Variants in SCUBE1 observed in about 807,000 individuals in gnomAD.
The protein encoded by SCUBE1 is signal peptide, CUB domain and EGF like domain containing 1, also known as signal peptide, CUB and EGF-like domain-containing protein 1.
SCUBE1 carries 59 observed loss-of-function variants against 124.4 expected under a neutral mutation model. The ratio of observed to expected loss-of-function variants is 0.47; its 90% CI spans 0.38 to 0.59. The LOEUF (loss-of-function observed/expected upper bound fraction) is 0.59. Ranked by LOEUF, SCUBE1 falls within the 20% of genes least tolerant of loss-of-function variation. The probability of loss-of-function intolerance (pLI) is 0.00; values close to 1 mark genes in which losing one functional copy is unlikely to be tolerated. For synonymous variants in SCUBE1, 545 were observed against 550.9 expected, an observed-to-expected ratio of 0.99 and a Z score of 0.15; for missense variants, 1,150 against 1,371.2, an observed-to-expected ratio of 0.84 and a Z score of 2.55.
intron 6 of SCUBE1, among the ~76,000 whole-genome samples, chr22:43,244,820 G>A (rs1189525769): frequency 6.6e-6 from 1 of 152,266 alleles, no homozygotes; most frequent in East Asian, 1.9e-4. Flanking sequence ...CAAAGGCCCT[G>A]CCATCCCTTC....
chr22:43,305,137 G>A (rs894597742), intron 3 of SCUBE1, among the ~76,000 whole-genome samples: 8 of 152,006 alleles, frequency 5.3e-5, no homozygotes, highest in East Asian at 1.9e-4. Flanking sequence ...GAGTCCTGCC[G>A]GAATACGGAG....
At chr22:43,260,270 A>G (rs924320325) in intron 5 of SCUBE1, among the ~76,000 whole-genome samples, 3 of 152,200 alleles carry the variant, frequency 2.0e-5, no homozygotes, top group African/African-American at 7.2e-5. Flanking sequence ...TTCCCTCCAC[A>G]TAGTCATTTG....
rs963933717 is a variant in SCUBE1 at position 43,220,372 on chromosome 22, G to T, written c.1687+78C>A. 40 of 1,517,446 alleles carry T rather than the reference G, an allele frequency of 2.6e-5. 1 individual carries two copies. The African/African-American group carries it at 5.0e-4, about 19-fold the overall frequency. The allele number at this position is 1,517,446 out of a possible 1,614,324, so 94.0% of individuals were successfully genotyped here. ...CTGGTGGGAGCCTAGCTTCATGCCTGGCAGGCCCCCGGCAGCGCCACCAGC... is the reference window on the plus strand; with the variant it reads ...CTGGTGGGAGCCTAGCTTCATGCCTTGCAGGCCCCCGGCAGCGCCACCAGC... On this transcript the variant is annotated intron_variant, in intron 14 of 21. Transcript: ENST00000360835.
rs1923621648 is a variant in SCUBE1 at position 43,255,462 on chromosome 22, C to G, written c.727+2757G>C. 6.5e-7 allele frequency: 1 copy of G among 1,543,764 alleles called. No individual in the cohort carries two copies. The highest frequency in any genetic ancestry group is 1.4e-5 in the African/African-American group (1 of 72,850). On this transcript the variant is annotated intron_variant, in intron 6 of 21. Coordinates refer to ENST00000360835, the MANE Select transcript of SCUBE1 (RefSeq NM_173050.5). The surrounding 1 kb of genome is among the most constrained non-coding windows in gnomAD (Gnocchi z 4.7). ...CACACACACACAAGTGCAAGTACGA[C>G]AAAGGAAGTGGAAGAAAAGTGTTAC...
chr22:43,283,651 C>T (rs910456059), intron 4 of SCUBE1: 2 of 152,138 alleles, frequency 1.3e-5, no homozygotes, highest in Non-Finnish European at 2.9e-5. Flanking sequence ...TCATAAATGG[C>T]GTGGAGCCAC....
chr22:43,226,667 G>C (rs1350016778), intron 10 of SCUBE1, among the ~76,000 whole-genome samples: 1 of 152,046 alleles, frequency 6.6e-6, no homozygotes, highest in Non-Finnish European at 1.5e-5. Context: ...CCAGAGGGAT[G>C]TTCTAACTTA....
At chr22:43,295,136 G>A (rs945815664) in intron 3 of SCUBE1, among the ~76,000 whole-genome samples, 49 of 152,118 alleles carry the variant, frequency 3.2e-4, no homozygotes, top group African/African-American at 1.2e-3. Context: ...CTTCAAGTCC[G>A]ATGGCGGTAG....
At chr22:43,307,838 G>T (rs542504310) in intron 3 of SCUBE1, among the ~76,000 whole-genome samples, 31 of 152,312 alleles carry the variant, frequency 2.0e-4, no homozygotes, top group African/African-American at 6.0e-4. Context: ...GGAAACTGAG[G>T]CATAAAGAGG....
chr22:43,206,973 C>T (rs1483837260), intron 21 of SCUBE1, among the ~76,000 whole-genome samples: 2 of 152,302 alleles, frequency 1.3e-5, no homozygotes, highest in East Asian at 3.9e-4. Context: ...ACAGCGGGAG[C>T]GTTCCAGCCC....
At chr22:43,292,572 C>CACACAG (rs978497238) in intron 3 of SCUBE1, among the ~76,000 whole-genome samples, 2 of 151,608 alleles carry the variant, frequency 1.3e-5, no homozygotes, top group Admixed American at 1.3e-4. Context: ...CACACACACA[C>CACACAG]ACACACACAC....
At chr22:43,327,467 G>A (rs1160596333) in intron 2 of SCUBE1, among the ~76,000 whole-genome samples, 2 of 152,320 alleles carry the variant, frequency 1.3e-5, no homozygotes, top group Admixed American at 1.3e-4. Context: ...AAGGGGCATG[G>A]AGTTTCTTTT....
rs1601806653 is a variant in SCUBE1, at chr22:43,221,094, C to T, written c.1549+79G>A. On this transcript the variant is annotated intron_variant, in intron 13 of 21. Coordinates refer to ENST00000360835, the MANE Select transcript of SCUBE1 (RefSeq NM_173050.5). ...CCCTTGGAAACCAGACTCGCTGGAC[C>T]CTGGGGCCCCAGCTCCCAGGCATGA... 3 of 1,131,710 alleles carry T rather than the reference C, an allele frequency of 2.7e-6. No individual in the cohort carries two copies. In the South Asian group the frequency reaches 3.8e-5, roughly 14 times the overall value. The allele number at this position is 1,131,710 out of a possible 1,614,324, so 70.1% of individuals were successfully genotyped here. A position where few individuals can be genotyped will look rare whatever the true frequency, so the allele number is the denominator to read the frequency against.
At chr22:43,316,223 G>A (rs556315701) in intron 3 of SCUBE1, among the ~76,000 whole-genome samples, 2 of 152,286 alleles carry the variant, frequency 1.3e-5, no homozygotes, top group Non-Finnish European at 2.9e-5. Context: ...TTCAAGTGAG[G>A]AAACTAAGGC....
chr22:43,285,159 G>A (rs1231875337), intron 4 of SCUBE1, among the ~76,000 whole-genome samples: 2 of 152,062 alleles, frequency 1.3e-5, no homozygotes, highest in Non-Finnish European at 2.9e-5. Flanking sequence ...CCAAATGGGG[G>A]CTCTCATCAA....
At chr22:43,266,686 A>G (rs1924080059) in intron 4 of SCUBE1, among the ~76,000 whole-genome samples, 1 of 152,168 alleles carries the variant, frequency 6.6e-6, no homozygotes. Context: ...CACCTGTGGG[A>G]CCCAGATGGC....
chr22:43,307,459 T>C (rs1438498496), intron 3 of SCUBE1, among the ~76,000 whole-genome samples: 1 of 152,170 alleles, frequency 6.6e-6, no homozygotes, highest in Non-Finnish European at 1.5e-5. Context: ...CAAGGAGAGC[T>C]GCGCAGACAA....
At chr22:43,223,752 A>T (rs918816702) in intron 10 of SCUBE1, among the ~76,000 whole-genome samples, 22 of 152,226 alleles carry the variant, frequency 1.4e-4, no homozygotes, top group African/African-American at 5.3e-4. Flanking sequence ...TAAATACCAG[A>T]ACTGATTTTA....
chr22:43,217,068 C>T (rs1238519182), intron 15 of SCUBE1, among the ~76,000 whole-genome samples: 1 of 92,762 alleles, frequency 1.1e-5, no homozygotes, highest in Middle Eastern at 4.2e-3. Context: ...GCTTCCCCAC[C>T]CTGCCAGGTG....
chr22:43,315,960 A>G (rs990827457), intron 3 of SCUBE1, among the ~76,000 whole-genome samples: 1 of 152,224 alleles, frequency 6.6e-6, no homozygotes. Flanking sequence ...AGGTAAGAGT[A>G]CAGTGGCTGG....
Sources: gnomAD v4.1 joint callset for allele counts (sites outside exome capture counted in the v4.1 genomes callset) on GRCh38, gnomAD v4.1.1 for gene constraint, Gnocchi (gnomAD v3.1) non-coding constraint, MANE v1.5 for transcripts, NCBI Gene and HGNC (gene_info 2026-07-23, HGNC 2026-07-21) for gene names.